The following CEP112 variants were observed in gnomAD, a reference collection of about 807,000 sequenced individuals.
CEP112 encodes centrosomal protein of 112 kDa.
In CEP112, 127 loss-of-function variants were observed where a neutral mutation model predicts 153.0. The observed-to-expected ratio is 0.83, with a 90% CI of 0.72 to 0.96. The LOEUF (loss-of-function observed/expected upper bound fraction) is 0.96. Ranked by LOEUF, CEP112 falls within the 40% of genes least tolerant of loss-of-function variation. The probability of loss-of-function intolerance (pLI) is 0.00; values close to 1 mark genes in which losing one functional copy is unlikely to be tolerated. For synonymous variants in CEP112, 358 were observed against 374.4 expected, an observed-to-expected ratio of 0.96 and a Z score of 0.51; for missense variants, 1,089 against 1,101.2, an observed-to-expected ratio of 0.99 and a Z score of 0.16.
At chr17:65,983,594 C>A (rs2063303718) in intron 17 of CEP112, among the ~76,000 whole-genome samples, 1 of 151,860 alleles carries the variant, frequency 6.6e-6, no homozygotes, top group South Asian at 2.1e-4. Context: ...GTGTGGCAAC[C>A]CTTCCTCTCC....
At chr17:65,655,726 G>A (rs1431021766) in intron 24 of CEP112, among the ~76,000 whole-genome samples, 1 of 151,786 alleles carries the variant, frequency 6.6e-6, no homozygotes. Context: ...TTTATATTCT[G>A]GCATAAGCTA....
chr17:66,140,091 G>C (rs1382817266), intron 4 of CEP112, among the ~76,000 whole-genome samples: 1 of 152,118 alleles, frequency 6.6e-6, no homozygotes, highest in Admixed American at 6.5e-5. Flanking sequence ...AATCAAGTGG[G>C]ATTTATCCCT....
intron 23 of CEP112, among the ~76,000 whole-genome samples, chr17:65,735,570 A>G (rs2050755450): frequency 7.8e-6 from 1 of 127,614 alleles, no homozygotes; most frequent in African/African-American, 2.6e-5. Flanking sequence ...TGATTAACCT[A>G]TCGTAAAGTT....
chr17:66,126,004 T>A (rs2069832447), intron 6 of CEP112, among the ~76,000 whole-genome samples: 1 of 152,198 alleles, frequency 6.6e-6, no homozygotes, highest in Non-Finnish European at 1.5e-5. Flanking sequence ...ATTTCAATTG[T>A]GTCAGCAAGC....
At chr17:66,083,165 T>C (rs537660574) in intron 8 of CEP112, among the ~76,000 whole-genome samples, 64 of 152,328 alleles carry the variant, frequency 4.2e-4, no homozygotes, top group African/African-American at 1.3e-3. Context: ...TGAGAGGTAA[T>C]TGAATCATGG....
chr17:66,018,546 T>A (rs1463821755), intron 16 of CEP112, among the ~76,000 whole-genome samples: 1 of 152,194 alleles, frequency 6.6e-6, no homozygotes, highest in African/African-American at 2.4e-5. Context: ...TTAGATTGCA[T>A]AACTTCTATA....
intron 21 of CEP112, among the ~76,000 whole-genome samples, chr17:65,755,764 T>C (rs2052221368): frequency 6.6e-6 from 1 of 151,980 alleles, no homozygotes; most frequent in Admixed American, 6.6e-5. Context: ...TTACCTAACA[T>C]GGGAAAAGTT....
chr17:66,020,502 T>C (rs2064961470), intron 16 of CEP112, among the ~76,000 whole-genome samples: 1 of 152,186 alleles, frequency 6.6e-6, no homozygotes, highest in Non-Finnish European at 1.5e-5. Flanking sequence ...TTCCCCAATA[T>C]AACCATTTAA....
Position 65,851,817 on chromosome 17 carries a change from A to C in CEP112, c.2381T>G (p.Met794Arg), listed in dbSNP as rs1351364068. 2 of 1,611,532 alleles carry C rather than the reference A, an allele frequency of 1.2e-6. No homozygotes were observed. Among genetic ancestry groups the C allele is most frequent in the Non-Finnish European group, 1.7e-6 (2 of 1,179,078 alleles). Residue 794 changes from methionine to arginine, a missense_variant, in exon 21 of 27, where the codon ATG becomes AGG. Met to Arg is a moderately conservative substitution (Grantham distance 91, BLOSUM62 -1). Coordinates refer to ENST00000535342, the MANE Select transcript of CEP112 (RefSeq NM_001199165.4). ...LKKTHAAETE[M>R]TLEKANSKLK... The stretch of plus-strand genomic sequence containing the variant: ...TAAATATCTTACCTTTTCCAGTGTC[A>C]TCTCTGTCTCAGCAGCATGAGTCTT...
intron 8 of CEP112, among the ~76,000 whole-genome samples, chr17:66,082,726 G>A (rs1009539295): frequency 6.7e-6 from 1 of 150,238 alleles, no homozygotes; most frequent in East Asian, 2.0e-4. Context: ...CTGCACCATC[G>A]TACTCCAGCC....
intron 19 of CEP112, among the ~76,000 whole-genome samples, chr17:65,902,581 G>GA (rs1205661159): frequency 6.6e-6 from 1 of 151,530 alleles, no homozygotes; most frequent in Non-Finnish European, 1.5e-5. Flanking sequence ...TCTGAACATT[G>GA]AAAAAAATTA....
At chr17:65,709,803 T>C (rs1406789300) in intron 23 of CEP112, among the ~76,000 whole-genome samples, 1 of 152,210 alleles carries the variant, frequency 6.6e-6, no homozygotes, top group Non-Finnish European at 1.5e-5. Flanking sequence ...CTTAAGAACA[T>C]CAGCTACATC....
At chr17:65,844,284 G>C (rs1353237469) in intron 21 of CEP112, among the ~76,000 whole-genome samples, 1 of 152,178 alleles carries the variant, frequency 6.6e-6, no homozygotes, top group Non-Finnish European at 1.5e-5. Flanking sequence ...AATGCAATTT[G>C]ACCTGTTAAT....
At chr17:66,146,398 G>A (rs1044955107) in intron 4 of CEP112, among the ~76,000 whole-genome samples, 1 of 152,016 alleles carries the variant, frequency 6.6e-6, no homozygotes, top group Non-Finnish European at 1.5e-5. Context: ...GTATAAAGTG[G>A]TTTATAACAT....
At chr17:66,048,171 C>T (rs2066291695) in intron 12 of CEP112, among the ~76,000 whole-genome samples, 1 of 151,500 alleles carries the variant, frequency 6.6e-6, no homozygotes, top group Non-Finnish European at 1.5e-5. Flanking sequence ...CCGATAGATC[C>T]AGACAGCTGA....
chr17:65,906,664 T>A lies in CEP112; in HGVS notation c.1981-4330A>T, dbSNP rs117046510. On this transcript the variant is annotated intron_variant, in intron 19 of 26. Coordinates refer to ENST00000535342, the MANE Select transcript of CEP112 (RefSeq NM_001199165.4). Reference sequence around the variant, plus strand: ...TTGGCAATATTCAGAAAAAATAGTATAAACATTTTCTCCTAATACATACTA... The same window carrying A: ...TTGGCAATATTCAGAAAAAATAGTAAAAACATTTTCTCCTAATACATACTA... Among the ~76,000 whole-genome samples the A allele has an allele frequency of 2.1e-3, 314 of 152,296 alleles. 1 individual carries two copies. The highest frequency in any genetic ancestry group is 5.0e-3 in the Admixed American group (77 of 15,300).
intron 21 of CEP112, chr17:65,826,529 C>T (rs2056847823): frequency 7.3e-7 from 1 of 1,362,268 alleles, no homozygotes; most frequent in Non-Finnish European, 9.4e-7. Context: ...GGCTCAGTTC[C>T]TGATGTCAGC....
intron 21 of CEP112, among the ~76,000 whole-genome samples, chr17:65,764,341 AT>A (rs1274063759): frequency 6.6e-6 from 1 of 152,232 alleles, no homozygotes; most frequent in Non-Finnish European, 1.5e-5. Flanking sequence ...TCTGTTGTTG[AT>A]GGGGGATATT....
intron 19 of CEP112, chr17:65,902,991 C>G (rs185924091): frequency 1.3e-5 from 2 of 150,572 alleles, no homozygotes; most frequent in East Asian, 4.0e-4. Flanking sequence ...CTTGGCCAGT[C>G]TTAGCCTCTC....
Sources: gnomAD v4.1 joint callset for allele counts (sites outside exome capture counted in the v4.1 genomes callset) on GRCh38, gnomAD v4.1.1 for gene constraint, MANE v1.5 for transcripts, NCBI Gene and HGNC (gene_info 2026-07-23, HGNC 2026-07-21) for gene names.